Variants in NCALD observed in about 807,000 individuals in gnomAD.
NCALD encodes the protein neurocalcin delta.
In NCALD, 10 loss-of-function variants were observed where a neutral mutation model predicts 18.6. That is an observed-to-expected ratio of 0.54 (90% confidence interval 0.33 to 0.91). NCALD has a LOEUF of 0.91. Among genes scored for constraint, NCALD ranks in the 40% least tolerant of loss-of-function variants. The probability of loss-of-function intolerance (pLI) is 0.03; values close to 1 mark genes in which losing one functional copy is unlikely to be tolerated. For missense variants in NCALD, 184 were observed against 247.6 expected (o/e 0.74, Z 1.72); for synonymous variants, 88 against 87.4 (o/e 1.01, Z -0.04).
At position 102,049,114 on chromosome 8, in the gene NCALD, A is replaced by G. The variant is rs144381638; in HGVS notation, c.-209-28825T>C. Among the ~76,000 whole-genome samples the G allele has an allele frequency of 2.2e-4, 34 of 152,350 alleles. No individual in the cohort carries two copies. In the East Asian group the frequency reaches 6.4e-3, roughly 29 times the overall value. ...GGCCTTTTCCTCCATTTTAGAGATG[A>G]AAAACACTGAAGTAAATCACTCAGG... is the stretch of plus-strand genomic sequence containing the variant. On this transcript the variant is annotated intron_variant, in intron 1 of 6. Transcript: ENST00000311028.
At chr8:101,955,824 G>A (rs377739142) in intron 2 of NCALD, among the ~76,000 whole-genome samples, 1 of 152,144 alleles carries the variant, frequency 6.6e-6, no homozygotes, top group Non-Finnish European at 1.5e-5. Context: ...CTGTAGCTTA[G>A]ATACTAGTAT....
At chr8:102,018,980 A>G (rs1822182442) in intron 2 of NCALD, among the ~76,000 whole-genome samples, 1 of 152,170 alleles carries the variant, frequency 6.6e-6, no homozygotes, top group Admixed American at 6.5e-5. Context: ...GAAAAAGAGA[A>G]GATATTTGTA....
intron 2 of NCALD, among the ~76,000 whole-genome samples, chr8:101,709,090 TC>T: frequency 6.6e-6 from 1 of 152,290 alleles, no homozygotes; most frequent in East Asian, 1.9e-4. Context: ...GAAAGTACAC[TC>T]CACAGTGTGG....
intron 2 of NCALD, among the ~76,000 whole-genome samples, chr8:101,956,384 C>T (rs575712212): frequency 7.4e-4 from 113 of 152,196 alleles, no homozygotes; most frequent in South Asian, 5.4e-3. Flanking sequence ...CAAACATAGC[C>T]GGCAGAAAGA....
intron 1 of NCALD, among the ~76,000 whole-genome samples, chr8:101,785,402 T>C (rs150580839): frequency 6.6e-6 from 1 of 152,274 alleles, no homozygotes; most frequent in Admixed American, 6.5e-5. Context: ...GATGCCCTAA[T>C]ATTATTCACA....
Position 102,107,058 on chromosome 8 carries a change from T to C in NCALD, c.-210+17179A>G, listed in dbSNP as rs574249529. Among the ~76,000 whole-genome samples the C allele has an allele frequency of 2.9e-4, 44 of 151,772 alleles. No individual in the cohort carries two copies. In the Middle Eastern group the frequency reaches 0.01, roughly 35 times the overall value. ...TGTCCCTTTCCAAGTAAGTACTATT[T>C]AATCATTCTGAACTGCTGATGTATG... On this transcript the variant is annotated intron_variant, in intron 1 of 6. Transcript: ENST00000311028.
At chr8:101,995,661 C>T (rs1821213023) in intron 2 of NCALD, among the ~76,000 whole-genome samples, 1 of 152,186 alleles carries the variant, frequency 6.6e-6, no homozygotes, top group Non-Finnish European at 1.5e-5. Context: ...GAGGGATTCA[C>T]CCCCATGATC....
chr8:101,827,036 A>T (rs557404024), intron 4 of NCALD, among the ~76,000 whole-genome samples: 2 of 152,292 alleles, frequency 1.3e-5, no homozygotes, highest in South Asian at 4.2e-4. Flanking sequence ...TTATTATCTC[A>T]CAGTTCTGGA....
intron 1 of NCALD, among the ~76,000 whole-genome samples, chr8:101,755,839 T>G (rs2154652): frequency 0.63 from 95,249 of 152,112 alleles, 32,143 homozygotes; most frequent in Non-Finnish European, 0.75. Flanking sequence ...GTATGCATTG[T>G]GAATGTGGGG....
intron 3 of NCALD, among the ~76,000 whole-genome samples, chr8:101,892,729 G>C (rs926434763): frequency 8.0e-4 from 120 of 149,846 alleles, no homozygotes; most frequent in African/African-American, 2.7e-3. Context: ...GAAGCCTCAG[G>C]AGCTGATGCG....
At chr8:101,808,025 A>G (rs924107926) in intron 4 of NCALD, among the ~76,000 whole-genome samples, 1 of 152,218 alleles carries the variant, frequency 6.6e-6, no homozygotes, top group African/African-American at 2.4e-5. Flanking sequence ...AATAAAAGTA[A>G]TAACTCCTTA....
Position 101,835,367 on chromosome 8 carries a change from G to A in NCALD, c.-20+51774C>T, listed in dbSNP as rs1814369237. Among the ~76,000 whole-genome samples the A allele has an allele frequency of 2.0e-5, 3 of 152,324 alleles. No homozygotes were observed. In the South Asian group the frequency reaches 6.2e-4, roughly 32 times the overall value. Reference sequence around the variant, plus strand: ...CCCTCCACCTTCTGCCAAACCAGGAGATATCTGGCAATGCCTGGAGACATT... The same window carrying A: ...CCCTCCACCTTCTGCCAAACCAGGAAATATCTGGCAATGCCTGGAGACATT... On this transcript the variant is annotated intron_variant, in intron 4 of 6. Transcript: ENST00000311028.
At chr8:101,919,809 A>C (rs1416541981) in intron 2 of NCALD, among the ~76,000 whole-genome samples, 1 of 152,226 alleles carries the variant, frequency 6.6e-6, no homozygotes, top group Non-Finnish European at 1.5e-5. Flanking sequence ...TATCAGAGAA[A>C]TGCAAATCAA....
At chr8:101,997,772 G>C (rs113601529) in intron 2 of NCALD, among the ~76,000 whole-genome samples, 1 of 152,172 alleles carries the variant, frequency 6.6e-6, no homozygotes, top group Non-Finnish European at 1.5e-5. Context: ...AAGTTGCCAA[G>C]AGCATTTAAG....
chr8:101,952,079 C>G (rs1384111379), intron 2 of NCALD, among the ~76,000 whole-genome samples: 2 of 152,206 alleles, frequency 1.3e-5, no homozygotes, highest in East Asian at 3.8e-4. Context: ...ACCCAAGCTC[C>G]TCTTGGAATC....
At chr8:101,854,502 T>C (rs555307040) in intron 4 of NCALD, among the ~76,000 whole-genome samples, 4 of 152,162 alleles carry the variant, frequency 2.6e-5, no homozygotes, top group Non-Finnish European at 5.9e-5. Context: ...CCACTTCCCC[T>C]CATTTCCTGC....
intron 4 of NCALD, among the ~76,000 whole-genome samples, chr8:101,837,839 T>C (rs1021646624): frequency 2.0e-5 from 3 of 152,162 alleles, no homozygotes; most frequent in Admixed American, 6.5e-5. Context: ...GAATTTCAAG[T>C]GATGGTAAAG....
At chr8:101,928,949 G>C (rs1319151149) in intron 2 of NCALD, among the ~76,000 whole-genome samples, 1 of 151,928 alleles carries the variant, frequency 6.6e-6, no homozygotes, top group African/African-American at 2.4e-5. Flanking sequence ...TGTCAGGGGA[G>C]GCGAGGGGTG....
At chr8:101,764,014 A>C (rs1470824615) in intron 1 of NCALD, among the ~76,000 whole-genome samples, 5 of 39,306 alleles carry the variant, frequency 1.3e-4, no homozygotes, top group African/African-American at 4.3e-4. Context: ...ACACACACAC[A>C]CCCCCTATTG....
Sources: gnomAD v4.1 joint callset for allele counts (sites outside exome capture counted in the v4.1 genomes callset) on GRCh38, gnomAD v4.1.1 for gene constraint, MANE v1.5 for transcripts, NCBI Gene and HGNC (gene_info 2026-07-23, HGNC 2026-07-21) for gene names.